The following KIF21A variants were observed in gnomAD, a reference collection of about 807,000 sequenced individuals.
KIF21A encodes kinesin-like protein KIF21A.
KIF21A carries 114 observed loss-of-function variants against 202.9 expected under a neutral mutation model. The ratio of observed to expected loss-of-function variants is 0.56; its 90% confidence interval spans 0.48 to 0.66. The LOEUF (loss-of-function observed/expected upper bound fraction) is 0.66. Among genes scored for constraint, KIF21A ranks in the 30% least tolerant of loss-of-function variants. The probability of loss-of-function intolerance (pLI) is 0.00; values close to 1 mark genes in which losing one functional copy is unlikely to be tolerated. For missense variants in KIF21A, 1,677 were observed against 1,994.9 expected, an observed-to-expected ratio of 0.84 and a Z score of 3.04; for synonymous variants, 667 against 670.8, an observed-to-expected ratio of 0.99 and a Z score of 0.09.
chr12:39,394,829 G>C (rs1050618670), intron 1 of KIF21A, among the ~76,000 whole-genome samples: 1 of 152,128 alleles, frequency 6.6e-6, no homozygotes, highest in African/African-American at 2.4e-5. Flanking sequence ...AAGAAGGGAT[G>C]GGGGGCGGGG....
chr12:39,373,870 T>A (rs1451101546), intron 1 of KIF21A, among the ~76,000 whole-genome samples: 1 of 152,180 alleles, frequency 6.6e-6, no homozygotes, highest in Non-Finnish European at 1.5e-5. Flanking sequence ...ATGCCCAATT[T>A]CATCCATTTG....
intron 1 of KIF21A, among the ~76,000 whole-genome samples, chr12:39,393,373 T>G (rs959724055): frequency 6.6e-6 from 1 of 152,048 alleles, no homozygotes; most frequent in African/African-American, 2.4e-5. Flanking sequence ...TGCTAACCAA[T>G]AGAAGGCAAG....
intron 7 of KIF21A, among the ~76,000 whole-genome samples, chr12:39,360,478 C>T (rs1191233113): frequency 1.3e-5 from 2 of 151,924 alleles, no homozygotes; most frequent in Non-Finnish European, 2.9e-5. Flanking sequence ...CAACCTCCGC[C>T]TCCTGAGTTA....
intron 37 of KIF21A, 131 bp downstream of exon 37, chr12:39,301,349 A>T: frequency 1.2e-6 from 1 of 829,792 alleles, no homozygotes; most frequent in Non-Finnish European, 2.0e-6. Context: ...TGAATAAGAC[A>T]TCTTAAAACA....
chr12:39,422,884 T>C (rs1954418213), intron 1 of KIF21A, among the ~76,000 whole-genome samples: 1 of 152,158 alleles, frequency 6.6e-6, no homozygotes, highest in African/African-American at 2.4e-5. Context: ...CCATCAGCAG[T>C]ATAGTGTGGT....
chr12:39,320,463 C>CAT (rs10676700), intron 27 of KIF21A, among the ~76,000 whole-genome samples: 45,156 of 151,758 alleles, frequency 0.3, 8,430 homozygotes, highest in African/African-American at 0.53. Flanking sequence ...TATAGGTAAT[C>CAT]ACACACACAA....
chr12:39,387,597 C>T (rs547385309), intron 1 of KIF21A, among the ~76,000 whole-genome samples: 2 of 152,280 alleles, frequency 1.3e-5, no homozygotes, highest in South Asian at 4.1e-4. Flanking sequence ...TGCTTCTCCT[C>T]TGCTGCTGTC....
At chr12:39,354,757 T>A (rs1203337285) in intron 10 of KIF21A, among the ~76,000 whole-genome samples, 1 of 152,146 alleles carries the variant, frequency 6.6e-6, no homozygotes, top group East Asian at 1.9e-4. Flanking sequence ...AAAACAGAAC[T>A]TGAGAATTTG....
At chr12:39,339,682 G>A (rs1056539350) in intron 16 of KIF21A, among the ~76,000 whole-genome samples, 2 of 152,052 alleles carry the variant, frequency 1.3e-5, no homozygotes, top group African/African-American at 4.8e-5. Flanking sequence ...CTTTGGACAG[G>A]GGAAGAAAAT....
chr12:39,333,678 A>G (rs1946700934), intron 17 of KIF21A, among the ~76,000 whole-genome samples: 1 of 152,192 alleles, frequency 6.6e-6, no homozygotes, highest in Non-Finnish European at 1.5e-5. Flanking sequence ...GAGTCATCTT[A>G]TAATATATAC....
intron 1 of KIF21A, among the ~76,000 whole-genome samples, chr12:39,401,208 G>A (rs1019483826): frequency 6.6e-6 from 1 of 152,116 alleles, no homozygotes; most frequent in African/African-American, 2.4e-5. Context: ...AGGAAATGAG[G>A]TAAAGGCCAG....
chr12:39,333,098 G>C lies in KIF21A; in HGVS notation c.2497C>G (p.Leu833Val), dbSNP rs979633626. Residue 833 changes from leucine to valine, a missense_variant, in exon 19 of 38, where the codon CTT (leucine) becomes GTT (valine). Transcript: ENST00000361418. ...LRRKTEEVTA[L>V]RRQVRPMSDK... ...GACATGGGTCTTACTTGCCGACGAAGAGCCGTAACCTGAAATTGCAGCAAA... is the reference window on the plus strand; with the variant it reads ...GACATGGGTCTTACTTGCCGACGAACAGCCGTAACCTGAAATTGCAGCAAA... 10 of 1,613,852 alleles carry C rather than the reference G, an allele frequency of 6.2e-6. No homozygotes were observed. Among genetic ancestry groups the C allele is most frequent in the Non-Finnish European group, 8.5e-6 (10 of 1,179,996 alleles).
At chr12:39,341,290 T>C (rs545948042) in intron 14 of KIF21A, among the ~76,000 whole-genome samples, 196 bp from the exon 15 acceptor site, 1 of 152,220 alleles carries the variant, frequency 6.6e-6, no homozygotes, top group Admixed American at 6.5e-5. Flanking sequence ...GACAATGCTA[T>C]TTGTATTAGG....
At chr12:39,296,823 C>G (rs924879654) in intron 37 of KIF21A, among the ~76,000 whole-genome samples, 6 of 152,272 alleles carry the variant, frequency 3.9e-5, no homozygotes, top group East Asian at 1.9e-4. Context: ...AGGGCAAGAT[C>G]AAGTATGGAC....
chr12:39,433,093 T>C (rs554563797), intron 1 of KIF21A, among the ~76,000 whole-genome samples: 9 of 152,350 alleles, frequency 5.9e-5, no homozygotes, highest in African/African-American at 2.2e-4. Context: ...ATTGTTTTTC[T>C]TATCTTTTCC....
chr12:39,439,935 T>C (rs1046478587), intron 1 of KIF21A, among the ~76,000 whole-genome samples: 1 of 151,938 alleles, frequency 6.6e-6, no homozygotes. Context: ...TAATAAAACA[T>C]AAGCACCTCT....
At chr12:39,295,879 G>A (rs1431316538) in intron 37 of KIF21A, among the ~76,000 whole-genome samples, 1 of 150,564 alleles carries the variant, frequency 6.6e-6, no homozygotes, top group Non-Finnish European at 1.5e-5. Context: ...TTTTTATTGC[G>A]TTTTTAGTAG....
intron 7 of KIF21A, among the ~76,000 whole-genome samples, chr12:39,361,661 A>G (rs571054771): frequency 6.7e-6 from 1 of 148,832 alleles, no homozygotes; most frequent in African/African-American, 2.5e-5. Context: ...GCCCGCCACC[A>G]CGCCTGGCTA....
intron 35 of KIF21A, among the ~76,000 whole-genome samples, chr12:39,304,043 G>A (rs1943220388): frequency 6.6e-6 from 1 of 152,032 alleles, no homozygotes. Context: ...CACCACTTCA[G>A]TTTTCTCCTC....
Sources: gnomAD v4.1 joint callset for allele counts (sites outside exome capture counted in the v4.1 genomes callset) on GRCh38, gnomAD v4.1.1 for gene constraint, MANE v1.5 for transcripts, NCBI Gene and HGNC (gene_info 2026-07-23, HGNC 2026-07-21) for gene names.